The following C6 variants were observed in gnomAD, a reference collection of about 807,000 sequenced individuals.
C6 encodes the protein complement C6, also known as complement component C6.
In C6, 101 loss-of-function variants were observed where a neutral mutation model predicts 112.9. The ratio of observed to expected loss-of-function variants is 0.89; its 90% CI spans 0.76 to 1.06. C6 has a LOEUF of 1.06. Among genes scored for constraint, C6 ranks in the 50% least tolerant of loss-of-function variants. The pLI is 0.00. For synonymous variants in C6, 431 were observed against 384.1 expected, an observed-to-expected ratio of 1.12 and a Z score of -1.43; for missense variants, 1,202 against 1,104.6, an observed-to-expected ratio of 1.09 and a Z score of -1.25.
At chr5:41,206,706 C>T (rs1459138184) in intron 1 of C6, among the ~76,000 whole-genome samples, 3 of 152,132 alleles carry the variant, frequency 2.0e-5, no homozygotes, top group Non-Finnish European at 4.4e-5. Context: ...AACGAAGCCT[C>T]CAAGAAATAT....
intron 1 of C6, among the ~76,000 whole-genome samples, chr5:41,226,245 C>G (rs1739492129): frequency 6.6e-6 from 1 of 152,102 alleles, no homozygotes; most frequent in Non-Finnish European, 1.5e-5. Flanking sequence ...TGAACTCAAA[C>G]AAATTTACAA....
Position 41,158,698 on chromosome 5 carries a change from A to T in C6, c.1944T>A (p.Val648=), listed in dbSNP as rs1747159869. 1.2e-6 allele frequency: 2 copies of T among 1,609,014 alleles called. No individual in the cohort carries two copies. The change falls in exon 13 of 18, where the codon GTT becomes GTA. Residue 648 remains valine, a synonymous_variant. Coordinates refer to ENST00000337836, the MANE Select transcript of C6 (RefSeq NM_000065.5). ...IEADSGCPQP[V]PPENGFIRNE... is the part of the protein sequence containing the mutation. ...CCCGGATAAATCCATTTTCTGGAGG[A>T]ACTGGCTGAGGACACCCGGAATCTG...
At chr5:41,254,263 G>T (rs139065877) in intron 1 of C6, among the ~76,000 whole-genome samples, 6 of 151,978 alleles carry the variant, frequency 3.9e-5, no homozygotes, top group African/African-American at 1.5e-4. Context: ...TAAATTAGCC[G>T]GGTGTGGTGA....
chr5:41,187,773 T>C (rs1319636918), intron 5 of C6, among the ~76,000 whole-genome samples: 1 of 151,910 alleles, frequency 6.6e-6, no homozygotes, highest in Non-Finnish European at 1.5e-5. Context: ...ATGGAGCTAA[T>C]TGCTTTTTTA....
rs1368801714 is a variant in C6, at chr5:41,142,284, G to A, written c.*541C>T. Reference sequence around the variant, plus strand: ...ATTTTTTGTGTGTCTACCCCTGAATGAATGTATGCTTCATGAAGGCAAAGG... The same window carrying A: ...ATTTTTTGTGTGTCTACCCCTGAATAAATGTATGCTTCATGAAGGCAAAGG... On this transcript the variant is annotated 3_prime_UTR_variant, in exon 18 of 18. Coordinates refer to ENST00000337836, the MANE Select transcript of C6 (RefSeq NM_000065.5). 6.4e-6 allele frequency: 1 copy of A among 157,154 alleles called. No homozygotes were observed. Among genetic ancestry groups the A allele is most frequent in the Admixed American group, 6.0e-5 (1 of 16,572 alleles). The allele number at this position is 157,154 out of a possible 1,614,324, so 9.7% of individuals were successfully genotyped here. A position where few individuals can be genotyped will look rare whatever the true frequency, so the allele number is the denominator to read the frequency against.
intron 8 of C6, among the ~76,000 whole-genome samples, chr5:41,173,871 C>CA (rs1439305960): frequency 1.5e-4 from 23 of 152,174 alleles, no homozygotes; most frequent in African/African-American, 2.4e-4. Flanking sequence ...TCAACCCTAA[C>CA]AAAAAGATGG....
In C6 at chr5:41,143,006, G is replaced by C; in HGVS notation, c.2624C>G (p.Ala875Gly). The change falls in exon 18 of 18, where the codon GCC (alanine) becomes GGC (glycine). Residue 875 changes from alanine to glycine, a missense_variant and splice_region_variant. By Grantham distance (60) the Ala-to-Gly change is moderately conservative. Coordinates refer to ENST00000337836, the MANE Select transcript of C6 (RefSeq NM_000065.5). ...TAGGCAGACACATTTGGAAGTGGAG[G>C]CTGTAATGAGAGAGAGAGAGACAGT... ...DTCYDWEKCSASTSKCVCLLP... is the reference protein window; with the variant it reads ...DTCYDWEKCSGSTSKCVCLLP... 3.7e-6 allele frequency: 6 copies of C among 1,612,874 alleles called. No homozygotes were observed. The highest frequency in any genetic ancestry group is 5.1e-6 in the Non-Finnish European group (6 of 1,179,176).
intron 7 of C6, among the ~76,000 whole-genome samples, chr5:41,179,174 C>A (rs1171790863): frequency 1.3e-5 from 2 of 152,088 alleles, no homozygotes; most frequent in African/African-American, 4.8e-5. Flanking sequence ...TTTTGTAAAT[C>A]AAAAATGGTT....
chr5:41,199,675 C>G, intron 4 of C6, 93 bp downstream of exon 4: 4 of 1,239,430 alleles, frequency 3.2e-6, no homozygotes, highest in Non-Finnish European at 4.8e-6. Flanking sequence ...TGGGATTTCT[C>G]TGTGATGGAT....
chr5:41,257,273 A>G (rs948562528), intron 1 of C6, among the ~76,000 whole-genome samples: 3 of 151,994 alleles, frequency 2.0e-5, no homozygotes, highest in Non-Finnish European at 2.9e-5. Context: ...AACATGTAGT[A>G]TTTGGTTTTC....
In C6 at chr5:41,153,812, T is replaced by G; in HGVS notation, c.2288A>C (p.Lys763Thr). The G allele has an allele frequency of 6.2e-7, 1 of 1,610,288 alleles. No individual in the cohort carries two copies. The highest frequency in any genetic ancestry group is 8.5e-7 in the Non-Finnish European group (1 of 1,177,432). The change falls in exon 15 of 18, where the codon AAA becomes ACA. Residue 763 changes from lysine (K) to threonine (T), a missense_variant and splice_region_variant. Transcript: ENST00000337836. ...PPISNSLTCE[K>T]DTLTKLKGHC... ...CAGAACACTGAGCTGCTACTCACCT[T>G]TTTCACAGGTGAGAGAGTTTGAAAT...
chr5:41,243,165 A>C (rs1740830782), intron 1 of C6, among the ~76,000 whole-genome samples: 1 of 152,226 alleles, frequency 6.6e-6, no homozygotes, highest in South Asian at 2.1e-4. Flanking sequence ...TCATCACAAA[A>C]AAAGTTAACT....
Position 41,181,485 on chromosome 5 carries a change from T to C in C6, c.801A>G (p.Gln267=), listed in dbSNP as rs935750215. The change falls in exon 7 of 18, where the codon CAA becomes CAG. Residue 267 remains glutamine (Q), a synonymous_variant. Coordinates refer to ENST00000337836, the MANE Select transcript of C6 (RefSeq NM_000065.5). The part of the protein sequence containing the change: ...DLTSLGHNEN[Q]QGSFSSQGGS... ...CCCCCTGACTTGAGAATGAGCCTTG[T>C]TGATTTTCATTGTGTCCAAGAGAAG... 1.9e-6 allele frequency: 3 copies of C among 1,613,706 alleles called. No homozygotes were observed. The African/African-American group carries it at 4.0e-5, about 22-fold the overall frequency.
chr5:41,163,727 C>A (rs1413516618), intron 9 of C6, among the ~76,000 whole-genome samples: 3 of 152,130 alleles, frequency 2.0e-5, no homozygotes, highest in African/African-American at 7.2e-5. Context: ...TATTTTAATG[C>A]ACATTTTTGA....
At chr5:41,239,175 T>C (rs907664491) in intron 1 of C6, among the ~76,000 whole-genome samples, 3 of 145,822 alleles carry the variant, frequency 2.1e-5, no homozygotes, top group Admixed American at 7.2e-5. Flanking sequence ...GCAAATGGCA[T>C]GTTCTTGGTT....
chr5:41,198,323 CATTAGT>C (rs1750759760), intron 4 of C6, among the ~76,000 whole-genome samples: 2 of 152,106 alleles, frequency 1.3e-5, no homozygotes, highest in Non-Finnish European at 2.9e-5. Flanking sequence ...TTGACAGTGG[CATTAGT>C]AGATGCTTTT....
chr5:41,213,323 G>A, intron 1 of C6, 53 bp downstream of exon 1: 1 of 787,384 alleles, frequency 1.3e-6, no homozygotes, highest in South Asian at 5.8e-5. Flanking sequence ...TTGGAAACAT[G>A]ATTAACAATT....
At chr5:41,143,087 C>A in intron 17 of C6, 81 bp from the exon 18 acceptor site, 1 of 1,304,770 alleles carries the variant, frequency 7.7e-7, no homozygotes, top group African/African-American at 1.4e-5. Flanking sequence ...CCCAGGGTGG[C>A]GAGCTCCTTG....
intron 1 of C6, among the ~76,000 whole-genome samples, chr5:41,248,534 A>G (rs1741155673): frequency 6.6e-6 from 1 of 152,252 alleles, no homozygotes; most frequent in Non-Finnish European, 1.5e-5. Context: ...ACATTTCTGA[A>G]AAGAAGACAT....
Sources: gnomAD v4.1 joint callset for allele counts (sites outside exome capture counted in the v4.1 genomes callset) on GRCh38, gnomAD v4.1.1 for gene constraint, MANE v1.5 for transcripts, NCBI Gene and HGNC (gene_info 2026-07-23, HGNC 2026-07-21) for gene names.